The following CAPN9 variants were observed in gnomAD, a reference collection of about 807,000 sequenced individuals.
CAPN9 encodes the protein calpain-9.
In CAPN9, 81 loss-of-function variants were observed where a neutral mutation model predicts 92.8. The ratio of observed to expected loss-of-function variants is 0.87; its 90% CI spans 0.73 to 1.05. The LOEUF (loss-of-function observed/expected upper bound fraction) is 1.05, where lower values mean the gene tolerates loss of function less well. Ranked by LOEUF, CAPN9 falls within the 50% of genes least tolerant of loss-of-function variation. The pLI is 0.00. For missense variants in CAPN9, 848 were observed against 866.2 expected (o/e 0.98, Z 0.26); for synonymous variants, 304 against 328.0 (o/e 0.93, Z 0.79).
At chr1:230,800,010 C>G (rs1668574312) in intron 19 of CAPN9, among the ~76,000 whole-genome samples, 1 of 151,756 alleles carries the variant, frequency 6.6e-6, no homozygotes, top group African/African-American at 2.4e-5. Context: ...AACCCCATCT[C>G]TACTAAAAAT....
chr1:230,801,709 C>A lies in CAPN9; in HGVS notation c.*113C>A. The A allele has an allele frequency of 1.1e-6, 1 of 930,992 alleles. No individual in the cohort carries two copies. The highest frequency in any genetic ancestry group is 1.8e-6 in the Non-Finnish European group (1 of 558,734). The allele number at this position is 930,992 out of a possible 1,614,324, so 57.7% of individuals were successfully genotyped here. On this transcript the variant is annotated 3_prime_UTR_variant, in exon 20 of 20. Transcript: ENST00000271971. Reference sequence around the variant, plus strand: ...CGCCCAGGGTTCACTCCCCTCTCATCGTCCGGCCTTCTCCCTTCATCTTGA... The same window carrying A: ...CGCCCAGGGTTCACTCCCCTCTCATAGTCCGGCCTTCTCCCTTCATCTTGA...
chr1:230,771,484 C>T (rs940680900), intron 6 of CAPN9, among the ~76,000 whole-genome samples: 3 of 152,240 alleles, frequency 2.0e-5, no homozygotes, highest in Non-Finnish European at 4.4e-5. Context: ...GTCTAGAAGA[C>T]GTAAAAGCTG....
At chr1:230,758,889 A>G (rs1665430278) in intron 2 of CAPN9, among the ~76,000 whole-genome samples, 1 of 152,230 alleles carries the variant, frequency 6.6e-6, no homozygotes, top group African/African-American at 2.4e-5. Context: ...GGAGTCTGGA[A>G]CAGCACAGAT....
intron 13 of CAPN9, among the ~76,000 whole-genome samples, chr1:230,788,792 A>G (rs529709712): frequency 6.6e-6 from 1 of 152,184 alleles, no homozygotes; most frequent in African/African-American, 2.4e-5. Context: ...TATCTGGAGC[A>G]TGCTGGGTCA....
chr1:230,794,007 G>A (rs1668178694), intron 17 of CAPN9, among the ~76,000 whole-genome samples: 1 of 152,130 alleles, frequency 6.6e-6, no homozygotes, highest in Non-Finnish European at 1.5e-5. Flanking sequence ...AGCCAGCACT[G>A]CCGTGCAGGC....
intron 11 of CAPN9, among the ~76,000 whole-genome samples, chr1:230,783,251 A>G (rs2102905214): frequency 6.6e-6 from 1 of 152,338 alleles, no homozygotes; most frequent in Middle Eastern, 3.4e-3. Context: ...AAGTACATTA[A>G]AGAAATAAGG....
Position 230,798,169 on chromosome 1 carries a change from C to G in CAPN9, c.1995C>G (p.Phe665Leu). The change falls in exon 19 of 20, where the codon TTC becomes TTG. Residue 665 changes from phenylalanine (F) to leucine (L), a missense_variant. By Grantham distance (22) the Phe-to-Leu change is conservative (BLOSUM62 0). Transcript: ENST00000271971. ...LVRLENASRV[F>L]QALSTKNKEF... ...CCCCTTCTCTCCTATCAGGGGTGTTCCAGGCTCTCAGTACAAAGAACAAGG... is the reference window on the plus strand; with the variant it reads ...CCCCTTCTCTCCTATCAGGGGTGTTGCAGGCTCTCAGTACAAAGAACAAGG... The G allele has an allele frequency of 6.2e-7, 1 of 1,608,764 alleles. No homozygotes were observed. Among genetic ancestry groups the G allele is most frequent in the Non-Finnish European group, 8.5e-7 (1 of 1,175,140 alleles).
rs200488224 is a variant in CAPN9 at position 230,780,255 on chromosome 1, T to G, written c.1191T>G (p.Leu397=). ...AGGGGCAGGAGGAGTGTAGTTTCCT[T>G]GTAGCCCTGATGCAGAAAGATAGAA... ...KDEGQEECSF[L]VALMQKDRRK... The change falls in exon 10 of 20, where the codon CTT becomes CTG. Residue 397 remains leucine, a synonymous_variant. Coordinates refer to ENST00000271971, the MANE Select transcript of CAPN9 (RefSeq NM_006615.3). 86 of 1,614,114 alleles carry G rather than the reference T, an allele frequency of 5.3e-5. 1 individual carries two copies. The East Asian group carries it at 1.9e-3, about 35-fold the overall frequency.
intron 17 of CAPN9, among the ~76,000 whole-genome samples, chr1:230,794,017 C>T (rs1257328716): frequency 6.6e-6 from 1 of 152,140 alleles, no homozygotes; most frequent in Non-Finnish European, 1.5e-5. Context: ...GCCGTGCAGG[C>T]TCCAGGGACT....
chr1:230,767,172 A>T (rs1666040317), intron 4 of CAPN9, among the ~76,000 whole-genome samples: 1 of 152,164 alleles, frequency 6.6e-6, no homozygotes. Flanking sequence ...ACCTCACAGC[A>T]GTCCTAGAAG....
intron 1 of CAPN9, among the ~76,000 whole-genome samples, chr1:230,752,347 G>C (rs547376050): frequency 2.0e-5 from 3 of 152,222 alleles, no homozygotes; most frequent in Non-Finnish European, 4.4e-5. Context: ...GACCCACAGA[G>C]GAGTCGGTCA....
intron 7 of CAPN9, among the ~76,000 whole-genome samples, chr1:230,773,632 G>A (rs28359661): frequency 2.2e-3 from 339 of 152,282 alleles, no homozygotes; most frequent in South Asian, 9.3e-3. Context: ...TGAAGGCACC[G>A]CATGGCCAGC....
intron 7 of CAPN9, 84 bp from the exon 8 acceptor site, chr1:230,774,470 A>G (rs900387762): frequency 2.0e-5 from 18 of 912,638 alleles, no homozygotes; most frequent in African/African-American, 3.2e-5. Flanking sequence ...TTCCTCCATA[A>G]CCGCACACTG....
intron 11 of CAPN9, among the ~76,000 whole-genome samples, chr1:230,781,001 G>A (rs926792829): frequency 6.6e-6 from 1 of 151,958 alleles, no homozygotes; most frequent in East Asian, 1.9e-4. Flanking sequence ...GAGTAGCAAG[G>A]ATTACAGGCA....
intron 19 of CAPN9, among the ~76,000 whole-genome samples, chr1:230,800,226 AGAAAGAAG>A (rs1668594218): frequency 3.9e-5 from 2 of 51,732 alleles, no homozygotes; most frequent in Non-Finnish European, 8.7e-5. Context: ...AAAATAAGAA[AGAAAGAAG>A]AAAGAAAGAA....
At chr1:230,796,913 T>C (rs1668395466) in intron 18 of CAPN9, among the ~76,000 whole-genome samples, 1 of 152,188 alleles carries the variant, frequency 6.6e-6, no homozygotes, top group Admixed American at 6.5e-5. Flanking sequence ...TCACATTAGA[T>C]TTGCCTGGAG....
In CAPN9 at chr1:230,759,598, G is replaced by C. The variant is rs1005441620; in HGVS notation, c.370G>C (p.Gly124Arg). The change falls in exon 3 of 20, where the codon GGC becomes CGC. Residue 124 changes from glycine to arginine, a missense_variant. By Grantham distance (125) the Gly-to-Arg change is moderately radical (BLOSUM62 -2). Transcript: ENST00000271971. Reference protein sequence around the residue: ...ARVIPQDQSFGPGYAGIFHFQ... With the variant: ...ARVIPQDQSFRPGYAGIFHFQ... ...AGTCATCCCCCAGGACCAAAGCTTT[G>C]GCCCTGGTTATGCCGGGATATTCCA... The C allele has an allele frequency of 1.2e-6, 2 of 1,607,762 alleles. No individual in the cohort carries two copies. The highest frequency in any genetic ancestry group is 1.7e-6 in the Non-Finnish European group (2 of 1,177,746).
At chr1:230,769,833 A>G (rs1378070637) in intron 6 of CAPN9, among the ~76,000 whole-genome samples, 3 of 152,106 alleles carry the variant, frequency 2.0e-5, no homozygotes, top group Non-Finnish European at 2.9e-5. Context: ...GACCTTTACA[A>G]TGACCCAGTT....
At chr1:230,771,420 A>G (rs1009276324) in intron 6 of CAPN9, among the ~76,000 whole-genome samples, 6 of 152,234 alleles carry the variant, frequency 3.9e-5, no homozygotes, top group African/African-American at 1.4e-4. Flanking sequence ...CTCAAGGGTG[A>G]TTGAGGTGAA....
Sources: allele counts gnomAD v4.1 joint callset (sites outside exome capture counted in the v4.1 genomes callset), GRCh38; gene constraint gnomAD v4.1.1; transcripts MANE v1.5; gene names NCBI Gene and HGNC (gene_info 2026-07-23, HGNC 2026-07-21).